The following UTRN variants were observed in gnomAD, a reference collection of about 807,000 sequenced individuals.
The protein encoded by UTRN is dystrophin-related protein 1.
A neutral mutation model predicts 463.9 loss-of-function variants in UTRN; 283 were observed. The ratio of observed to expected loss-of-function variants is 0.61; its 90% CI spans 0.55 to 0.67. The LOEUF (loss-of-function observed/expected upper bound fraction) is 0.67. Among genes scored for constraint, UTRN ranks in the 30% least tolerant of loss-of-function variants. The pLI is 0.00. For missense variants in UTRN, 3,922 were observed against 4,084.3 expected (o/e 0.96, Z 1.08); for synonymous variants, 1,442 against 1,431.5 (o/e 1.01, Z -0.17).
intron 2 of UTRN, among the ~76,000 whole-genome samples, chr6:144,357,400 G>A (rs1012296616): frequency 1.3e-5 from 2 of 152,174 alleles, no homozygotes; most frequent in South Asian, 2.1e-4. Context: ...TATGCTCTGG[G>A]CAGGTGAGAC....
At chr6:144,376,984 T>C (rs1459308420) in intron 2 of UTRN, among the ~76,000 whole-genome samples, 1 of 152,124 alleles carries the variant, frequency 6.6e-6, no homozygotes, top group Non-Finnish European at 1.5e-5. Context: ...ACCAAAGCTA[T>C]AGTATTTCAA....
chr6:144,289,624 A>G (rs1804028947), intron 1 of UTRN, among the ~76,000 whole-genome samples: 1 of 151,006 alleles, frequency 6.6e-6, no homozygotes, highest in Non-Finnish European at 1.5e-5. Flanking sequence ...GCCTAGACCC[A>G]GATGCCCTTT....
At chr6:144,436,522 G>T (rs1274796417) in intron 10 of UTRN, among the ~76,000 whole-genome samples, 2 of 151,992 alleles carry the variant, frequency 1.3e-5, no homozygotes. Flanking sequence ...TTAAGCAAAT[G>T]TCATACCCAG....
At chr6:144,389,929 A>G (rs866254478) in intron 2 of UTRN, among the ~76,000 whole-genome samples, 1 of 152,166 alleles carries the variant, frequency 6.6e-6, no homozygotes, top group Non-Finnish European at 1.5e-5. Flanking sequence ...ATAATTCAGT[A>G]GTCCAGTCCC....
intron 60 of UTRN, among the ~76,000 whole-genome samples, chr6:144,781,616 CA>C (rs1047192197): frequency 7.3e-5 from 11 of 151,648 alleles, no homozygotes; most frequent in Admixed American, 4.6e-4. Flanking sequence ...CATTTAAAAG[CA>C]AAAAGAGCCT....
chr6:144,549,692 TG>T (rs1798728797), intron 47 of UTRN, among the ~76,000 whole-genome samples: 1 of 152,124 alleles, frequency 6.6e-6, no homozygotes, highest in Non-Finnish European at 1.5e-5. Flanking sequence ...GAAAGCAAAC[TG>T]TGTGGGATTT....
chr6:144,321,769 CTT>C (rs59340673), intron 2 of UTRN, among the ~76,000 whole-genome samples: 28 of 135,468 alleles, frequency 2.1e-4, no homozygotes, highest in East Asian at 4.2e-4. Flanking sequence ...TGTGCCTGGC[CTT>C]TTTTTTTTTT....
At chr6:144,532,280 GC>G (rs1219584201) in intron 42 of UTRN, among the ~76,000 whole-genome samples, 15 of 152,260 alleles carry the variant, frequency 9.9e-5, no homozygotes, top group African/African-American at 3.6e-4. Context: ...CTGTTCTCAT[GC>G]TGCTAATAAA....
intron 51 of UTRN, among the ~76,000 whole-genome samples, chr6:144,579,548 A>G (rs1475923109): frequency 6.6e-6 from 1 of 152,204 alleles, no homozygotes; most frequent in Non-Finnish European, 1.5e-5. Flanking sequence ...ATCTTAGGAT[A>G]TATTCTTACC....
At chr6:144,733,257 A>G (rs1486522863) in intron 54 of UTRN, among the ~76,000 whole-genome samples, 1 of 152,132 alleles carries the variant, frequency 6.6e-6, no homozygotes, top group Non-Finnish European at 1.5e-5. Flanking sequence ...GGTGGCTTAC[A>G]CTTGTAATCC....
intron 47 of UTRN, 92 bp from the exon 48 acceptor site, chr6:144,550,873 A>G (rs1319555713): frequency 3.5e-6 from 4 of 1,136,758 alleles, no homozygotes; most frequent in East Asian, 2.6e-5. Flanking sequence ...GGAGGAAAAC[A>G]ACGACAACTT....
intron 2 of UTRN, among the ~76,000 whole-genome samples, chr6:144,302,086 A>G (rs1009412122): frequency 2.0e-5 from 3 of 152,128 alleles, no homozygotes; most frequent in Non-Finnish European, 4.4e-5. Flanking sequence ...GCCAGAATCA[A>G]TCTTTCCCAC....
chr6:144,500,303 C>T (rs1160341438), intron 34 of UTRN, among the ~76,000 whole-genome samples: 2 of 152,062 alleles, frequency 1.3e-5, no homozygotes, highest in African/African-American at 4.8e-5. Flanking sequence ...TTAATAATAG[C>T]TATTCTAAAT....
intron 11 of UTRN, among the ~76,000 whole-genome samples, chr6:144,438,285 C>T (rs1786785333): frequency 1.3e-5 from 2 of 152,086 alleles, no homozygotes. Flanking sequence ...AAAGACATTT[C>T]ATAGGGGCAG....
At chr6:144,599,930 G>A (rs1045077553) in intron 51 of UTRN, among the ~76,000 whole-genome samples, 1 of 152,020 alleles carries the variant, frequency 6.6e-6, no homozygotes, top group Non-Finnish European at 1.5e-5. Context: ...TGTACTTTGT[G>A]TCTCTGTGTC....
Position 144,387,427 on chromosome 6 carries a change from C to T in UTRN, c.80-15696C>T, listed in dbSNP as rs149335045. ...GTGCTGAGATTACAGGCATGAGCCACCATGCCCGGCCTTCTTCCCATTTTA... is the reference window on the plus strand; with the variant it reads ...GTGCTGAGATTACAGGCATGAGCCATCATGCCCGGCCTTCTTCCCATTTTA... On this transcript the variant is annotated intron_variant, in intron 2 of 74. Coordinates refer to ENST00000367545, the MANE Select transcript of UTRN (RefSeq NM_007124.3). Among the ~76,000 whole-genome samples the T allele has an allele frequency of 3.3e-4, 50 of 152,308 alleles. No individual in the cohort carries two copies. The Middle Eastern group carries it at 0.01, about 31-fold the overall frequency.
chr6:144,372,831 G>T (rs1780118645), intron 2 of UTRN, among the ~76,000 whole-genome samples: 1 of 151,938 alleles, frequency 6.6e-6, no homozygotes, highest in Non-Finnish European at 1.5e-5. Flanking sequence ...ACAATCTAAA[G>T]ACAACCCAAT....
chr6:144,773,709 G>A (rs1775057669), intron 59 of UTRN, among the ~76,000 whole-genome samples: 1 of 152,174 alleles, frequency 6.6e-6, no homozygotes, highest in Non-Finnish European at 1.5e-5. Flanking sequence ...GACTGAGAAG[G>A]GAATTCCAGC....
At chr6:144,836,273 A>T (rs373998236) in intron 70 of UTRN, 28 bp from the exon 71 acceptor site, 1 of 1,613,524 alleles carries the variant, frequency 6.2e-7, no homozygotes, top group Admixed American at 1.7e-5. Context: ...CGTGGTAGTC[A>T]TTCTGTTTCT....
Sources: gnomAD v4.1 joint callset for allele counts (sites outside exome capture counted in the v4.1 genomes callset) on GRCh38, gnomAD v4.1.1 for gene constraint, MANE v1.5 for transcripts, NCBI Gene and HGNC (gene_info 2026-07-23, HGNC 2026-07-21) for gene names.